Variants in IL12RB1 observed in about 807,000 individuals in gnomAD.
IL12RB1 encodes the protein interleukin 12 receptor subunit beta 1, also known as interleukin-12 receptor subunit beta-1.
A neutral mutation model predicts 94.4 loss-of-function variants in IL12RB1; 64 were observed. That is an observed-to-expected ratio of 0.68 (90% CI 0.55 to 0.83). The LOEUF (loss-of-function observed/expected upper bound fraction) is 0.83. IL12RB1 is among the 40% of genes least tolerant of loss of function. IL12RB1 has a pLI of 0.00. For synonymous variants in IL12RB1, 362 were observed against 355.5 expected, an observed-to-expected ratio of 1.02 and a Z score of -0.21; for missense variants, 814 against 855.6, an observed-to-expected ratio of 0.95 and a Z score of 0.61.
At chr19:18,096,381 G>C (rs1490975666) in intron 1 of IL12RB1, among the ~76,000 whole-genome samples, 3 of 142,212 alleles carry the variant, frequency 2.1e-5, no homozygotes, top group Non-Finnish European at 4.6e-5. Flanking sequence ...AGACACTTAG[G>C]GCAAAAAGGC....
intron 4 of IL12RB1, 21 bp downstream of exon 4, chr19:18,080,811 G>T (rs11673460): frequency 0.049 from 77,009 of 1,558,422 alleles, 2,172 homozygotes; most frequent in Middle Eastern, 0.061. Context: ...AAAACGGACG[G>T]GGGGAGAACA....
chr19:18,089,825 G>A (rs2036553494), upstream of IL12RB1, among the ~76,000 whole-genome samples: 1 of 152,204 alleles, frequency 6.6e-6, no homozygotes, highest in Admixed American at 6.5e-5. Flanking sequence ...CCTTCAAGAA[G>A]CCTGGCTCCG....
chr19:18,081,058 C>G (rs2035865642), intron 3 of IL12RB1, 57 bp from the exon 4 acceptor site: 1 of 1,499,452 alleles, frequency 6.7e-7, no homozygotes, highest in African/African-American at 1.4e-5. Flanking sequence ...GACCCCACAG[C>G]CGACTTTGTG....
intron 4 of IL12RB1, 42 bp downstream of exon 4, chr19:18,080,790 T>A: frequency 7.1e-7 from 1 of 1,399,576 alleles, no homozygotes. Context: ...CCTGATGGCC[T>A]CTCTGGGTAA....
intron 15 of IL12RB1, 52 bp from the exon 16 acceptor site, chr19:18,060,137 C>CTGCTGTGGATGGGA: frequency 2.0e-6 from 2 of 1,009,182 alleles, no homozygotes; most frequent in Non-Finnish European, 3.1e-6. Flanking sequence ...ACTTCCCATC[C>CTGCTGTGGATGGGA]ACAGCAGGAT....
chr19:18,075,991 G>A lies in IL12RB1; in HGVS notation c.581-123C>T. 1.0e-5 allele frequency: 10 copies of A among 961,788 alleles called. 1 individual carries two copies. Among genetic ancestry groups the A allele is most frequent in the South Asian group, 2.6e-5 (2 of 76,588 alleles). 59.6% of individuals were successfully genotyped at this position (961,788 alleles called of 1,614,324 possible). A position where few individuals can be genotyped will look rare whatever the true frequency, so the allele number is the denominator to read the frequency against. ...CAGAGCCACGTGCTGGGTCCTGGGGGCTCAGCAGAAGCAGGCCAGGCCCTG... is the reference window on the plus strand; with the variant it reads ...CAGAGCCACGTGCTGGGTCCTGGGGACTCAGCAGAAGCAGGCCAGGCCCTG... On this transcript the variant is annotated intron_variant, in intron 6 of 16. Transcript: ENST00000593993.
intron 10 of IL12RB1, among the ~76,000 whole-genome samples, 162 bp downstream of exon 10, chr19:18,069,384 G>A (rs2305739): frequency 0.15 from 22,182 of 152,222 alleles, 2,012 homozygotes; most frequent in Non-Finnish European, 0.21. Flanking sequence ...GAGAGGCTCC[G>A]AACCTCACCC....
intron 13 of IL12RB1, among the ~76,000 whole-genome samples, 160 bp downstream of exon 13, chr19:18,063,716 G>C (rs1473764984): frequency 6.6e-6 from 1 of 152,208 alleles, no homozygotes; most frequent in Non-Finnish European, 1.5e-5. Context: ...AGGAAGCTGC[G>C]AGAGAAGGCA....
At chr19:18,061,866 A>AAAG (rs142227139) in intron 14 of IL12RB1, among the ~76,000 whole-genome samples, 1,650 of 152,078 alleles carry the variant, frequency 0.011, 44 homozygotes, top group African/African-American at 0.038. Flanking sequence ...CCATCTCAAA[A>AAAG]AAGAAAAAAA....
chr19:18,097,967 T>C, intron 1 of IL12RB1: 1 of 659,268 alleles, frequency 1.5e-6, no homozygotes, highest in Non-Finnish European at 2.1e-6. Flanking sequence ...TCAGATCGCT[T>C]CTTTTTGACC....
At chr19:18,073,395 C>G (rs753206942) in intron 8 of IL12RB1, 122 bp downstream of exon 8, 15 of 724,766 alleles carry the variant, frequency 2.1e-5, no homozygotes, top group Non-Finnish European at 3.5e-5. Flanking sequence ...CACAATTTGC[C>G]CACTTCCTGC....
rs1315292337 is a variant in IL12RB1 at position 18,075,719 on chromosome 19, C to A, written c.700+30G>T. ...GCTGTTGCCTTATTTCTAATGCTTG[C>A]CCCTGTTCCTGTACTCAGAGTGATC... On this transcript the variant is annotated intron_variant, in intron 7 of 16. Transcript: ENST00000593993. The A allele has an allele frequency of 1.9e-6, 3 of 1,598,384 alleles. No individual in the cohort carries two copies. The African/African-American group carries it at 4.0e-5, about 21-fold the overall frequency.
At chr19:18,097,592 A>G (rs894855616) in intron 1 of IL12RB1, among the ~76,000 whole-genome samples, 8 of 152,132 alleles carry the variant, frequency 5.3e-5, no homozygotes, top group Admixed American at 3.9e-4. Flanking sequence ...GAGAGGATTC[A>G]TGCAAAATAT....
chr19:18,083,865 A>C, intron 1 of IL12RB1, among the ~76,000 whole-genome samples: 1 of 146,284 alleles, frequency 6.8e-6, no homozygotes. Context: ...CCACTCATCT[A>C]CCCATCCATC....
At chr19:18,076,122 C>A (rs1290207953) in intron 6 of IL12RB1, among the ~76,000 whole-genome samples, 175 bp downstream of exon 6, 2 of 152,074 alleles carry the variant, frequency 1.3e-5, no homozygotes, top group Non-Finnish European at 2.9e-5. Context: ...GCTTCTCACC[C>A]CCTCCAAGTC....
At chr19:18,085,573 C>T (rs1024875209) in intron 1 of IL12RB1, among the ~76,000 whole-genome samples, 6 of 151,900 alleles carry the variant, frequency 3.9e-5, no homozygotes, top group Non-Finnish European at 7.4e-5. Flanking sequence ...AAAGTCAGCA[C>T]CCCGCTGATC....
At chr19:18,082,471 C>T (rs945126254) in intron 2 of IL12RB1, among the ~76,000 whole-genome samples, 2 of 152,150 alleles carry the variant, frequency 1.3e-5, no homozygotes, top group African/African-American at 2.4e-5. Flanking sequence ...GGCCAGATGT[C>T]CTGCCACCTC....
At chr19:18,078,770 T>A (rs977721077) in intron 4 of IL12RB1, among the ~76,000 whole-genome samples, 2 of 152,072 alleles carry the variant, frequency 1.3e-5, no homozygotes, top group Non-Finnish European at 2.9e-5. Context: ...AGGAGAGACA[T>A]AAATTAGCAT....
chr19:18,086,949 AAG>A (rs2036390657), upstream of IL12RB1: 3 of 1,544,982 alleles, frequency 1.9e-6, no homozygotes, highest in Non-Finnish European at 8.7e-7. Flanking sequence ...AAAAAGAAAA[AAG>A]AAAAAAAGTA....
Sources: gnomAD v4.1 joint callset for allele counts (sites outside exome capture counted in the v4.1 genomes callset) on GRCh38, gnomAD v4.1.1 for gene constraint, MANE v1.5 for transcripts, NCBI Gene and HGNC (gene_info 2026-07-23, HGNC 2026-07-21) for gene names.